The following COLEC10 variants were observed in gnomAD, a reference collection of about 807,000 sequenced individuals.
COLEC10 encodes the protein collectin-10.
In COLEC10, 22 loss-of-function variants were observed where a neutral mutation model predicts 28.4. The ratio of observed to expected loss-of-function variants is 0.78; its 90% confidence interval spans 0.55 to 1.11. The LOEUF (loss-of-function observed/expected upper bound fraction) is 1.11. Among genes scored for constraint, COLEC10 ranks in the 50% least tolerant of loss-of-function variants. COLEC10 has a pLI of 0.00. For synonymous variants in COLEC10, 125 were observed against 116.1 expected, an observed-to-expected ratio of 1.08 and a Z score of -0.49; for missense variants, 361 against 344.1, an observed-to-expected ratio of 1.05 and a Z score of -0.39.
At chr8:119,040,863 T>A (rs887846527) in intron 2 of COLEC10, among the ~76,000 whole-genome samples, 2 of 152,096 alleles carry the variant, frequency 1.3e-5, no homozygotes, top group Admixed American at 1.3e-4. Context: ...AACCTTGACT[T>A]CTCTCCCTAC....
intron 2 of COLEC10, among the ~76,000 whole-genome samples, chr8:119,018,543 C>T (rs1038630821): frequency 6.6e-6 from 1 of 152,148 alleles, no homozygotes; most frequent in Non-Finnish European, 1.5e-5. Flanking sequence ...TAAACTGATG[C>T]CTGCTTTGAC....
chr8:118,972,771 A>T, the COLEC10 span, among the ~76,000 whole-genome samples: 1 of 151,936 alleles, frequency 6.6e-6, no homozygotes, highest in East Asian at 1.9e-4. Context: ...CAGGTGTATT[A>T]GTTCATTCTC....
chr8:119,077,884 T>C (rs990967405), intron 1 of COLEC10, among the ~76,000 whole-genome samples: 13 of 152,192 alleles, frequency 8.5e-5, no homozygotes, highest in Admixed American at 2.6e-4. Context: ...GGGTAGTTTA[T>C]AAAGAAGAGG....
chr8:119,069,604 T>A (rs1815049466), intron 1 of COLEC10, among the ~76,000 whole-genome samples: 1 of 2,070 alleles, frequency 4.8e-4, no homozygotes, highest in African/African-American at 1.0e-3. Context: ...AGACCCCATC[T>A]CAAAAAAAAA....
intron 2 of COLEC10, among the ~76,000 whole-genome samples, chr8:119,031,436 G>C (rs1322737037): frequency 6.6e-6 from 1 of 152,184 alleles, no homozygotes; most frequent in Non-Finnish European, 1.5e-5. Context: ...ATGAGAATAG[G>C]GTGGTGTTGG....
chr8:118,969,520 G>C, the COLEC10 span, among the ~76,000 whole-genome samples: 1 of 151,782 alleles, frequency 6.6e-6, no homozygotes, highest in East Asian at 1.9e-4. Flanking sequence ...TCTATACTAC[G>C]CCTTTTTCTG....
At chr8:118,991,678 C>G (rs973045553), upstream of COLEC10, among the ~76,000 whole-genome samples, 7 of 152,126 alleles carry the variant, frequency 4.6e-5, no homozygotes, top group African/African-American at 1.7e-4. Context: ...ACAGAGGCAA[C>G]TGTATCTTCT....
At chr8:119,078,586 C>A (rs1022553551) in intron 1 of COLEC10, among the ~76,000 whole-genome samples, 1 of 152,246 alleles carries the variant, frequency 6.6e-6, no homozygotes, top group Middle Eastern at 3.4e-3. Flanking sequence ...AAAATTCCAG[C>A]AGGCAGTTGG....
In COLEC10 at chr8:119,106,764, T is replaced by TG. The variant is rs929244435; in HGVS notation, c.*578dup. The stretch of plus-strand genomic sequence containing the variant: ...AATGCTTTAACCCCAAACCTTTATA[T>TG]GGGGGACTTCTAGCTTTGTGTCTTG... On this transcript the variant is annotated 3_prime_UTR_variant, in exon 6 of 6. Coordinates refer to ENST00000332843, the MANE Select transcript of COLEC10 (RefSeq NM_006438.5). 4.6e-5 allele frequency among the ~76,000 whole-genome samples: 7 copies of TG among 152,190 alleles called. No homozygotes were observed. The highest frequency in any genetic ancestry group is 1.0e-4 in the Non-Finnish European group (7 of 68,030).
rs373236263 is a variant in COLEC10, at chr8:119,093,842, TAAGTG to T, written c.292+2624_292+2628del. ...TCCTAAAAACTAATTTGTGCGTCCT[TAAGTG>T]ATATTTCCCCATTGAAAATGCACAG... On this transcript the variant is annotated intron_variant, in intron 3 of 5. Transcript: ENST00000332843. 2.0e-4 allele frequency among the ~76,000 whole-genome samples: 30 copies of T among 152,280 alleles called. No individual in the cohort carries two copies. In the East Asian group the frequency reaches 5.4e-3, roughly 27 times the overall value.
At chr8:119,042,068 G>A (rs1021617331) in intron 2 of COLEC10, among the ~76,000 whole-genome samples, 4 of 151,574 alleles carry the variant, frequency 2.6e-5, no homozygotes, top group Admixed American at 1.3e-4. Flanking sequence ...CACAATCTCC[G>A]CTCACTACAA....
the COLEC10 span, among the ~76,000 whole-genome samples, chr8:118,978,028 C>G: frequency 6.6e-6 from 1 of 151,878 alleles, no homozygotes; most frequent in South Asian, 2.1e-4. Flanking sequence ...ACTAGGAAGA[C>G]ATAAAAAAAT....
At chr8:119,050,820 T>C (rs1041302553) in intron 2 of COLEC10, among the ~76,000 whole-genome samples, 2 of 152,248 alleles carry the variant, frequency 1.3e-5, no homozygotes, top group Non-Finnish European at 2.9e-5. Context: ...GTTCATATGC[T>C]CATTGCCTGT....
At chr8:119,052,191 G>A (rs1814686539) in intron 2 of COLEC10, among the ~76,000 whole-genome samples, 1 of 152,078 alleles carries the variant, frequency 6.6e-6, no homozygotes, top group South Asian at 2.1e-4. Context: ...TGATTGTAAA[G>A]CATTTTAGCC....
intron 2 of COLEC10, among the ~76,000 whole-genome samples, chr8:119,042,265 T>G (rs1220122180): frequency 6.6e-6 from 1 of 152,170 alleles, no homozygotes; most frequent in Non-Finnish European, 1.5e-5. Context: ...CCCAAAGTGC[T>G]GGGATTACAA....
chr8:119,043,269 T>C (rs1814529758), intron 2 of COLEC10, among the ~76,000 whole-genome samples: 1 of 152,232 alleles, frequency 6.6e-6, no homozygotes, highest in African/African-American at 2.4e-5. Flanking sequence ...TAACTCTCTT[T>C]TATTGCCCAG....
intron 2 of COLEC10, among the ~76,000 whole-genome samples, chr8:119,049,813 T>G (rs1814647117): frequency 6.6e-6 from 1 of 152,228 alleles, no homozygotes; most frequent in African/African-American, 2.4e-5. Context: ...AATCATACTA[T>G]AAATCATACT....
the COLEC10 span, among the ~76,000 whole-genome samples, chr8:118,962,952 A>G: frequency 3.3e-5 from 5 of 152,190 alleles, no homozygotes; most frequent in Non-Finnish European, 7.3e-5. Context: ...CAGGCACTGG[A>G]TATGAGTAAA....
At chr8:118,980,869 T>TTTATTG in the COLEC10 span, among the ~76,000 whole-genome samples, 1 of 151,994 alleles carries the variant, frequency 6.6e-6, no homozygotes, top group Non-Finnish European at 1.5e-5. Context: ...AAATGTGTGT[T>TTTATTG]TTTTTGTTTT....
Sources: gnomAD v4.1 joint callset for allele counts (sites outside exome capture counted in the v4.1 genomes callset) on GRCh38, gnomAD v4.1.1 for gene constraint, MANE v1.5 for transcripts, NCBI Gene and HGNC (gene_info 2026-07-23, HGNC 2026-07-21) for gene names.